TEK: variants seen among roughly 807,000 people sequenced by gnomAD.
TEK encodes TEK receptor tyrosine kinase.
Under a neutral mutation model 131.8 loss-of-function variants are expected in TEK, and 43 were observed. The ratio of observed to expected loss-of-function variants is 0.33; its 90% CI spans 0.26 to 0.42. The LOEUF (loss-of-function observed/expected upper bound fraction) is 0.42. Ranked by LOEUF, TEK falls within the 10% of genes least tolerant of loss-of-function variation. TEK has a pLI of 1.00. For synonymous variants in TEK, 580 were observed against 491.6 expected, an observed-to-expected ratio of 1.18 and a Z score of -2.38; for missense variants, 1,162 against 1,384.4, an observed-to-expected ratio of 0.84 and a Z score of 2.55.
intron 4 of TEK, among the ~76,000 whole-genome samples, chr9:27,169,955 C>T (rs1823887500): frequency 1.3e-5 from 2 of 152,142 alleles, no homozygotes; most frequent in Admixed American, 1.3e-4. Flanking sequence ...TTTATTGAGA[C>T]ATACCTGAGA....
chr9:27,188,944 A>C (rs138811895), intron 9 of TEK, among the ~76,000 whole-genome samples: 255 of 152,298 alleles, frequency 1.7e-3, no homozygotes, highest in African/African-American at 5.9e-3. Context: ...TGGTGACTGT[A>C]ATTTTAAATA....
At chr9:27,197,977 C>T in intron 12 of TEK, among the ~76,000 whole-genome samples, 1 of 151,964 alleles carries the variant, frequency 6.6e-6, no homozygotes, top group East Asian at 1.9e-4. Context: ...CCATAAAAAC[C>T]AAATAACTTT....
rs1278117039 is a variant in TEK, at chr9:27,157,883, A to G, written c.105A>G (p.Val35=). 15 of 1,613,832 alleles carry G rather than the reference A, an allele frequency of 9.3e-6. No homozygotes were observed. The highest frequency in any genetic ancestry group is 1.3e-5 in the African/African-American group (1 of 74,860). ...TCTTGATCAATTCCCTACCTCTTGTATCTGATGCTGAAACATCTCTCACCT... is the reference window on the plus strand; with the variant it reads ...TCTTGATCAATTCCCTACCTCTTGTGTCTGATGCTGAAACATCTCTCACCT... ...DLILINSLPL[V]SDAETSLTCI... Residue 35 remains valine, a synonymous_variant, in exon 2 of 23, where the codon GTA becomes GTG. Transcript: ENST00000380036.
intron 3 of TEK, among the ~76,000 whole-genome samples, chr9:27,168,938 C>T (rs1286380549): frequency 6.6e-6 from 1 of 152,144 alleles, no homozygotes. Context: ...AGGAAATTAC[C>T]ACAGTAAACA....
intron 21 of TEK, among the ~76,000 whole-genome samples, chr9:27,226,801 C>A (rs7024489): frequency 1.3e-5 from 2 of 152,062 alleles, no homozygotes; most frequent in African/African-American, 4.8e-5. Context: ...AGATTTATTC[C>A]AAGGGTAAGA....
At chr9:27,131,447 C>T (rs1305826761) in intron 1 of TEK, among the ~76,000 whole-genome samples, 2 of 148,110 alleles carry the variant, frequency 1.4e-5, no homozygotes, top group African/African-American at 2.5e-5. Flanking sequence ...CCACTGCACT[C>T]CAGCCTGGGT....
intron 2 of TEK, among the ~76,000 whole-genome samples, chr9:27,158,793 G>A (rs1587532301): frequency 6.6e-6 from 1 of 151,810 alleles, no homozygotes; most frequent in Admixed American, 6.6e-5. Flanking sequence ...CCAAGTAGCT[G>A]GGATTACAGG....
chr9:27,180,744 A>G (rs182493729), intron 7 of TEK, among the ~76,000 whole-genome samples: 66 of 152,334 alleles, frequency 4.3e-4, no homozygotes, highest in African/African-American at 1.6e-3. Context: ...TTAAAGCAAT[A>G]GAAAGAATAA....
At chr9:27,160,782 G>T (rs956909190) in intron 2 of TEK, among the ~76,000 whole-genome samples, 3 of 152,234 alleles carry the variant, frequency 2.0e-5, no homozygotes, top group Non-Finnish European at 4.4e-5. Context: ...AGCAGGGCAA[G>T]TGGGAAAAGT....
In TEK at chr9:27,168,519, C is replaced by T; in HGVS notation, c.389C>T (p.Thr130Ile). 6.2e-7 allele frequency: 1 copy of T among 1,613,814 alleles called. No individual in the cohort carries two copies. Among genetic ancestry groups the T allele is most frequent in the Non-Finnish European group, 8.5e-7 (1 of 1,179,780 alleles). Residue 130 changes from threonine (T) to isoleucine (I), a missense_variant, in exon 3 of 23, where the codon ACT (threonine) becomes ATT (isoleucine). This residue lies in a region of TEK where 436 missense variants were observed against 539.1 expected (regional missense o/e 0.81). Transcript: ENST00000380036. ...QQASFLPATL[T>I]MTVDKGDNVN... Reference sequence around the variant, plus strand: ...GCTTCCTTCCTACCAGCTACTTTAACTATGACTGTGGACAAGGGAGATAAC... The same window carrying T: ...GCTTCCTTCCTACCAGCTACTTTAATTATGACTGTGGACAAGGGAGATAAC...
chr9:27,154,836 G>A (rs1439683759), intron 1 of TEK, among the ~76,000 whole-genome samples: 3 of 152,120 alleles, frequency 2.0e-5, no homozygotes, highest in Non-Finnish European at 4.4e-5. Flanking sequence ...GACTCCCAGA[G>A]GCCACAATTT....
At chr9:27,205,121 C>G (rs1825357805) in intron 14 of TEK, 56 bp downstream of exon 14, 2 of 1,605,730 alleles carry the variant, frequency 1.2e-6, no homozygotes, top group East Asian at 4.5e-5. Flanking sequence ...CAGGCAGAAC[C>G]TTCACTTTAA....
chr9:27,219,037 TTTATTATATA>T (rs1326292932), intron 20 of TEK, among the ~76,000 whole-genome samples: 2 of 152,248 alleles, frequency 1.3e-5, no homozygotes, highest in East Asian at 3.9e-4. Flanking sequence ...GGCCATGAAC[TTTATTATATA>T]TTAATTGGCT....
At chr9:27,137,892 C>T (rs546318135) in intron 1 of TEK, among the ~76,000 whole-genome samples, 1 of 152,130 alleles carries the variant, frequency 6.6e-6, no homozygotes, top group South Asian at 2.1e-4. Flanking sequence ...ACTGTGGACC[C>T]TTGCGGTGAG....
At chr9:27,134,975 A>C (rs7037753) in intron 1 of TEK, among the ~76,000 whole-genome samples, 22,429 of 152,166 alleles carry the variant, frequency 0.15, 2,564 homozygotes, top group African/African-American at 0.31. Flanking sequence ...TTATAATCCC[A>C]GCACTTTCGG....
chr9:27,147,457 C>T (rs1789175380), intron 1 of TEK, among the ~76,000 whole-genome samples: 1 of 151,590 alleles, frequency 6.6e-6, no homozygotes, highest in Non-Finnish European at 1.5e-5. Context: ...GTTTTGAGAG[C>T]TTTTTATGCA....
At chr9:27,113,969 T>A (rs894140438) in intron 1 of TEK, among the ~76,000 whole-genome samples, 3 of 152,206 alleles carry the variant, frequency 2.0e-5, no homozygotes, top group African/African-American at 4.8e-5. Context: ...ATCTCTACTC[T>A]GCAAACACAA....
At chr9:27,118,327 T>A (rs1438782294) in intron 1 of TEK, among the ~76,000 whole-genome samples, 1 of 152,146 alleles carries the variant, frequency 6.6e-6, no homozygotes, top group Non-Finnish European at 1.5e-5. Flanking sequence ...TTAAGTGACA[T>A]GTCCAAGGTT....
intron 1 of TEK, among the ~76,000 whole-genome samples, chr9:27,150,005 A>T (rs1458859722): frequency 6.6e-6 from 1 of 151,512 alleles, no homozygotes; most frequent in Non-Finnish European, 1.5e-5. Context: ...GGTGGCCAAA[A>T]CTCCTCTCTA....
Sources: allele counts gnomAD v4.1 joint callset (sites outside exome capture counted in the v4.1 genomes callset), GRCh38; gene constraint gnomAD v4.1.1; regional missense constraint gnomAD v4.1.1; transcripts MANE v1.5; gene names NCBI Gene and HGNC (gene_info 2026-07-23, HGNC 2026-07-21).